FAM13A: variants seen among roughly 807,000 people sequenced by gnomAD.
The protein encoded by FAM13A is protein FAM13A.
FAM13A carries 76 observed loss-of-function variants against 129.6 expected under a neutral mutation model. The observed-to-expected ratio is 0.59, with a 90% CI of 0.49 to 0.71. FAM13A has a LOEUF of 0.71. FAM13A is among the 30% of genes least tolerant of loss of function. The probability of loss-of-function intolerance (pLI) is 0.00; values close to 1 mark genes in which losing one functional copy is unlikely to be tolerated. For synonymous variants in FAM13A, 443 were observed against 449.9 expected (o/e 0.98, Z 0.20); for missense variants, 1,108 against 1,249.3 (o/e 0.89, Z 1.70).
chr4:89,056,471 T>C (rs1374787604), intron 1 of FAM13A, among the ~76,000 whole-genome samples: 2 of 152,152 alleles, frequency 1.3e-5, no homozygotes, highest in Non-Finnish European at 2.9e-5. Flanking sequence ...TCAGCAATCA[T>C]GCTGAAACAG....
At chr4:89,040,303 G>C (rs998202241) in intron 1 of FAM13A, among the ~76,000 whole-genome samples, 1 of 152,156 alleles carries the variant, frequency 6.6e-6, no homozygotes, top group Non-Finnish European at 1.5e-5. Context: ...TTAAATCTAA[G>C]TGGGCAGTAT....
At chr4:89,053,108 C>T (rs1560971494) in intron 1 of FAM13A, among the ~76,000 whole-genome samples, 1 of 152,210 alleles carries the variant, frequency 6.6e-6, no homozygotes, top group Non-Finnish European at 1.5e-5. Context: ...AATTTCATTG[C>T]TCACAAGTTC....
At position 89,057,047 on chromosome 4, in the gene FAM13A, CACAT is replaced by C; in HGVS notation, c.-87_-84del. 1 of 1,592,984 alleles carries C rather than the reference CACAT, an allele frequency of 6.3e-7. No homozygotes were observed. The highest frequency in any genetic ancestry group is 2.2e-5 in the East Asian group (1 of 44,664). ...AGCAAAATACTAAAATTCCATTCAG[CACAT>C]ATTCTTTGATGTGAAAAACAGCTCC... On this transcript the variant is annotated 5_prime_UTR_variant, in exon 1 of 24. The change creates a new upstream start codon in the 5' untranslated region. Coordinates refer to ENST00000264344, the MANE Select transcript of FAM13A (RefSeq NM_014883.4).
At chr4:88,944,562 T>G (rs1056244583) in intron 4 of FAM13A, among the ~76,000 whole-genome samples, 1 of 151,934 alleles carries the variant, frequency 6.6e-6, no homozygotes, top group Non-Finnish European at 1.5e-5. Context: ...GCAGGCAAAG[T>G]CCGATGTCTG....
At chr4:88,987,070 C>T (rs1039563704) in intron 4 of FAM13A, among the ~76,000 whole-genome samples, 1 of 152,096 alleles carries the variant, frequency 6.6e-6, no homozygotes, top group African/African-American at 2.4e-5. Context: ...GTAGGAAATA[C>T]TGTTACAGGG....
chr4:88,904,448 T>G (rs919565818), intron 6 of FAM13A, among the ~76,000 whole-genome samples: 11 of 152,114 alleles, frequency 7.2e-5, no homozygotes, highest in Non-Finnish European at 1.2e-4. Flanking sequence ...TAAAGAGGAA[T>G]GAGATCATGT....
intron 17 of FAM13A, 124 bp from the exon 18 acceptor site, chr4:88,747,975 C>T (rs1422673220): frequency 3.2e-5 from 21 of 650,818 alleles, no homozygotes; most frequent in Admixed American, 5.7e-5. Context: ...CTGCAAGCTC[C>T]GCCTCCTGGG....
rs756437230 is a variant in FAM13A at position 88,728,570 on chromosome 4, A to G, written c.3035T>C (p.Leu1012Pro). Residue 1012 changes from leucine to proline, a missense_variant, in exon 24 of 24, where the codon CTC (leucine) becomes CCC (proline). Physicochemically the swap from Leu to Pro is moderately conservative, Grantham distance 98. Around this residue, in one of 3 missense-constraint regions of FAM13A, gnomAD observed 529 missense variants for 621.2 expected, o/e 0.85. Transcript: ENST00000264344. ...IKAKLRLLEVLISKRDTDSKS... is the reference protein window; with the variant it reads ...IKAKLRLLEVPISKRDTDSKS... ...GGAATCAGTGTCTCTCTTGCTGATG[A>G]GCACCTCCAGGAGCCTCAGTTTCGC... is the stretch of plus-strand genomic sequence containing the variant. 3 of 1,614,136 alleles carry G rather than the reference A, an allele frequency of 1.9e-6. No homozygotes were observed. Among genetic ancestry groups the G allele is most frequent in the Non-Finnish European group, 2.5e-6 (3 of 1,180,022 alleles).
At chr4:88,953,494 C>A (rs1757275509) in intron 4 of FAM13A, among the ~76,000 whole-genome samples, 1 of 152,016 alleles carries the variant, frequency 6.6e-6, no homozygotes, top group Admixed American at 6.6e-5. Context: ...CAACAAAAAA[C>A]ATAACATAAA....
At chr4:88,738,960 C>A in intron 20 of FAM13A, 70 bp downstream of exon 20, 1 of 913,962 alleles carries the variant, frequency 1.1e-6, no homozygotes, top group Non-Finnish European at 1.8e-6. Context: ...GGTTAGGGCC[C>A]TATTCATATA....
At chr4:88,900,139 A>T (rs1281174338) in intron 6 of FAM13A, among the ~76,000 whole-genome samples, 3 of 152,164 alleles carry the variant, frequency 2.0e-5, no homozygotes, top group Non-Finnish European at 4.4e-5. Context: ...TTATGTAAAG[A>T]TGTCAAACCT....
chr4:88,812,152 A>G (rs1353477724), intron 7 of FAM13A, among the ~76,000 whole-genome samples: 4 of 152,180 alleles, frequency 2.6e-5, no homozygotes. Flanking sequence ...ACTGTAAGAA[A>G]TAAGTCTCTG....
intron 8 of FAM13A, among the ~76,000 whole-genome samples, chr4:88,794,739 T>C (rs1340355727): frequency 6.6e-6 from 1 of 151,864 alleles, no homozygotes; most frequent in Non-Finnish European, 1.5e-5. Flanking sequence ...CTTTTTTTAA[T>C]TGAGCAAGGA....
chr4:89,002,253 G>A (rs959526639), intron 3 of FAM13A, among the ~76,000 whole-genome samples: 5 of 151,144 alleles, frequency 3.3e-5, no homozygotes, highest in Non-Finnish European at 5.9e-5. Flanking sequence ...GTGGATGCAA[G>A]TGACTGGAAA....
At chr4:88,734,480 C>T (rs866918379) in intron 21 of FAM13A, among the ~76,000 whole-genome samples, 1 of 152,008 alleles carries the variant, frequency 6.6e-6, no homozygotes, top group Non-Finnish European at 1.5e-5. Flanking sequence ...AAGTATGAGA[C>T]GTAACAAATT....
In FAM13A at chr4:89,029,039, T is replaced by A. The variant is rs185153487; in HGVS notation, c.217+421A>T. ...ATAGTTTTTTGGTGTCTCTCCTAAG[T>A]GTATGAGGATAGTCAAGGCATTGAA... On this transcript the variant is annotated intron_variant, in intron 2 of 23. Transcript: ENST00000264344. Among the ~76,000 whole-genome samples, 4 of 152,284 alleles carry A rather than the reference T, an allele frequency of 2.6e-5. No homozygotes were observed. In the East Asian group the frequency reaches 7.7e-4, roughly 29 times the overall value.
At chr4:89,004,659 C>G (rs6852288) in intron 3 of FAM13A, among the ~76,000 whole-genome samples, 82,170 of 151,996 alleles carry the variant, frequency 0.54, 22,781 homozygotes, top group Middle Eastern at 0.7. Context: ...TAGAGAAAGG[C>G]TAAGGAGACC....
chr4:88,824,985 GGCTTAA>G (rs1481060364), intron 7 of FAM13A, among the ~76,000 whole-genome samples: 1 of 151,966 alleles, frequency 6.6e-6, no homozygotes, highest in African/African-American at 2.4e-5. Context: ...TGGGATTACT[GGCTTAA>G]GCTTAACACT....
chr4:88,972,993 T>C (rs2148956874), intron 4 of FAM13A, among the ~76,000 whole-genome samples: 1 of 152,318 alleles, frequency 6.6e-6, no homozygotes, highest in Admixed American at 6.5e-5. Flanking sequence ...TTATCCACAC[T>C]CTTCTTGCAT....
Sources: gnomAD v4.1 joint callset for allele counts (sites outside exome capture counted in the v4.1 genomes callset) on GRCh38, gnomAD v4.1.1 for gene constraint, gnomAD v4.1.1 regional missense constraint, MANE v1.5 for transcripts, NCBI Gene and HGNC (gene_info 2026-07-23, HGNC 2026-07-21) for gene names.